The following JPH1 variants were observed in gnomAD, a reference collection of about 807,000 sequenced individuals.
The protein encoded by JPH1 is junctophilin 1.
JPH1 carries 12 observed loss-of-function variants against 53.6 expected under a neutral mutation model. The observed-to-expected ratio is 0.22, with a 90% CI of 0.14 to 0.36. The LOEUF is 0.36. Among genes scored for constraint, JPH1 ranks in the 10% least tolerant of loss-of-function variants. The pLI, the probability that JPH1 is intolerant of heterozygous loss-of-function variation, is 1.00. For synonymous variants in JPH1, 375 were observed against 363.8 expected, an observed-to-expected ratio of 1.03 and a Z score of -0.35; for missense variants, 808 against 905.5, an observed-to-expected ratio of 0.89 and a Z score of 1.38.
chr8:74,277,490 C>T (rs374334534), intron 2 of JPH1, among the ~76,000 whole-genome samples: 3 of 152,234 alleles, frequency 2.0e-5, no homozygotes, highest in Admixed American at 6.5e-5. Context: ...CAAAGTCCCT[C>T]TTACATCATA....
At chr8:74,274,181 C>T (rs1806783931) in intron 2 of JPH1, among the ~76,000 whole-genome samples, 1 of 152,174 alleles carries the variant, frequency 6.6e-6, no homozygotes, top group East Asian at 1.9e-4. Context: ...CTCCCACTCC[C>T]CGCTTCCTAG....
rs201897497 is a variant in JPH1, at chr8:74,315,184, G to A, written c.816C>T (p.His272=). 1.1e-5 allele frequency: 18 copies of A among 1,614,192 alleles called. No individual in the cohort carries two copies. In the East Asian group the frequency reaches 3.3e-4, roughly 30 times the overall value. The change falls in exon 2 of 6, where the codon CAC becomes CAT. Residue 272 remains histidine, a synonymous_variant. Transcript: ENST00000342232. This position sits in a 1 kb window ranked among gnomAD's most constrained non-coding sequence, Gnocchi z 6.3. The part of the protein sequence containing the change: ...VDCDFCPVED[H]VDATTTETYM... ...AGGTTTCCGTGGTGGTGGCGTCCAC[G>A]TGGTCTTCCACCGGGCAAAAATCAC...
chr8:74,320,885 C>A lies in JPH1; in HGVS notation c.379+24G>T. On this transcript the variant is annotated intron_variant, in intron 1 of 5. Transcript: ENST00000342232. The surrounding 1 kb of genome is among the most constrained non-coding windows in gnomAD (Gnocchi z 4.4). ...CCACCGCACCAGCTCGCGGAGCAGC[C>A]GAGCCGCCCGTTACGCCGCTCACCT... The A allele has an allele frequency of 1.3e-6, 2 of 1,492,910 alleles. No individual in the cohort carries two copies. The highest frequency in any genetic ancestry group is 2.9e-5 in the African/African-American group (2 of 69,252). 92.5% of individuals were successfully genotyped at this position (1,492,910 alleles called of 1,614,324 possible). A position where few individuals can be genotyped will look rare whatever the true frequency, so the allele number is the denominator to read the frequency against.
At position 74,238,418 on chromosome 8, in the gene JPH1, C is replaced by A. The variant is rs79723540; in HGVS notation, c.1906-1115G>T. On this transcript the variant is annotated intron_variant, in intron 4 of 5. Transcript: ENST00000342232. The stretch of plus-strand genomic sequence containing the variant: ...CTTTCCCTGACTGAGCCCACATCTC[C>A]GTGGTAGAGGTCAGAGTGCCCTGCT... 7.8e-3 allele frequency among the ~76,000 whole-genome samples: 1,184 copies of A among 152,268 alleles called. 8 individuals carry two copies. The highest frequency in any genetic ancestry group is 0.027 in the East Asian group (138 of 5,182).
rs555922247 is a variant in JPH1, at chr8:74,266,616, T to C, written c.1140-7113A>G. ...AGATGAAAATGTTCTGAAGATTGGT[T>C]GCACAGCAATGTGGGTCTACTACTA... On this transcript the variant is annotated intron_variant, in intron 2 of 5. Coordinates refer to ENST00000342232, the MANE Select transcript of JPH1 (RefSeq NM_020647.4). 3.9e-5 allele frequency among the ~76,000 whole-genome samples: 6 copies of C among 152,348 alleles called. No individual in the cohort carries two copies. In the East Asian group the frequency reaches 1.2e-3, roughly 29 times the overall value.
At chr8:74,274,850 C>G (rs1806803583) in intron 2 of JPH1, among the ~76,000 whole-genome samples, 1 of 152,134 alleles carries the variant, frequency 6.6e-6, no homozygotes, top group Non-Finnish European at 1.5e-5. Flanking sequence ...ACACATGATG[C>G]TGATATTAAC....
At position 74,320,766 on chromosome 8, in the gene JPH1, G is replaced by C. The variant is rs757243471; in HGVS notation, c.379+143C>G. 9.8e-7 allele frequency: 1 copy of C among 1,023,104 alleles called. No individual in the cohort carries two copies. The allele number at this position is 1,023,104 out of a possible 1,614,324, so 63.4% of individuals were successfully genotyped here. ...GCCCTCTCTGGGAAAGGCGGGCGCG[G>C]GCGCGGGGGTGGGAGGCGCCCCCAG... On this transcript the variant is annotated intron_variant, in intron 1 of 5. Coordinates refer to ENST00000342232, the MANE Select transcript of JPH1 (RefSeq NM_020647.4). This position sits in a 1 kb window ranked among gnomAD's most constrained non-coding sequence, Gnocchi z 4.4.
chr8:74,299,212 C>T (rs1807605482), intron 2 of JPH1, among the ~76,000 whole-genome samples: 1 of 151,764 alleles, frequency 6.6e-6, no homozygotes, highest in Non-Finnish European at 1.5e-5. Context: ...AGCAACTCTT[C>T]CTGGCACCAG....
At chr8:74,293,967 T>C (rs543697826) in intron 2 of JPH1, among the ~76,000 whole-genome samples, 2 of 152,274 alleles carry the variant, frequency 1.3e-5, no homozygotes, top group East Asian at 1.9e-4. Flanking sequence ...GTCTCTTTTG[T>C]AGAGCGCAGA....
At chr8:74,305,990 G>A (rs1322392731) in intron 2 of JPH1, among the ~76,000 whole-genome samples, 1 of 151,928 alleles carries the variant, frequency 6.6e-6, no homozygotes. Flanking sequence ...GGGAGGGCTG[G>A]AGAAAGAGTT....
intron 2 of JPH1, among the ~76,000 whole-genome samples, chr8:74,264,621 T>A (rs1185249397): frequency 6.6e-6 from 1 of 152,252 alleles, no homozygotes; most frequent in Non-Finnish European, 1.5e-5. Flanking sequence ...AGAGGTGTTA[T>A]GATATAGGCT....
chr8:74,237,712 G>A (rs1807041719), intron 4 of JPH1, among the ~76,000 whole-genome samples: 1 of 152,194 alleles, frequency 6.6e-6, no homozygotes, highest in African/African-American at 2.4e-5. Flanking sequence ...GAACACGAGA[G>A]CAAAATCTGT....
At chr8:74,245,479 A>C (rs78827658) in intron 3 of JPH1, among the ~76,000 whole-genome samples, 5,747 of 152,300 alleles carry the variant, frequency 0.038, 343 homozygotes, top group African/African-American at 0.12. Flanking sequence ...TGCTTGTTCA[A>C]ATTATGTGGT....
At chr8:74,300,931 G>C (rs965740170) in intron 2 of JPH1, among the ~76,000 whole-genome samples, 1 of 151,854 alleles carries the variant, frequency 6.6e-6, no homozygotes, top group Non-Finnish European at 1.5e-5. Context: ...AGCCTTACTG[G>C]CCCCCCGCCC....
At chr8:74,264,797 CT>C (rs772599267) in intron 2 of JPH1, among the ~76,000 whole-genome samples, 16 of 152,230 alleles carry the variant, frequency 1.1e-4, no homozygotes, top group Middle Eastern at 3.4e-3. Context: ...GTTCACATGC[CT>C]TTTGTAAAAG....
rs899125404 is a variant in JPH1, at chr8:74,262,645, G to A, written c.1140-3142C>T. ...ATGCAGTAAAAAGTAACTGAAAAGC[G>A]ACTTCTTTAAATTAAGCATCAGCTG... On this transcript the variant is annotated intron_variant, in intron 2 of 5. Transcript: ENST00000342232. Among the ~76,000 whole-genome samples the A allele has an allele frequency of 5.3e-5, 8 of 152,156 alleles. No homozygotes were observed. In the East Asian group the frequency reaches 9.6e-4, roughly 18 times the overall value.
intron 4 of JPH1, among the ~76,000 whole-genome samples, chr8:74,239,007 GAACA>G (rs961199478): frequency 6.6e-6 from 1 of 152,126 alleles, no homozygotes; most frequent in African/African-American, 2.4e-5. Flanking sequence ...ATTAAATGAA[GAACA>G]AACAGGGTGA....
At chr8:74,290,072 C>T (rs1016919011) in intron 2 of JPH1, among the ~76,000 whole-genome samples, 2 of 152,118 alleles carry the variant, frequency 1.3e-5, no homozygotes, top group Non-Finnish European at 2.9e-5. Context: ...GGAAGCATTC[C>T]CTCTGAAAAC....
intron 2 of JPH1, among the ~76,000 whole-genome samples, chr8:74,278,207 C>A (rs1332061083): frequency 6.6e-6 from 1 of 152,096 alleles, no homozygotes; most frequent in Non-Finnish European, 1.5e-5. Flanking sequence ...CTCATGAGAT[C>A]TGATGGTTTT....
Sources: allele counts gnomAD v4.1 joint callset (sites outside exome capture counted in the v4.1 genomes callset), GRCh38; gene constraint gnomAD v4.1.1; non-coding constraint Gnocchi (gnomAD v3.1); transcripts MANE v1.5; gene names NCBI Gene and HGNC (gene_info 2026-07-23, HGNC 2026-07-21).